FYB1: variants seen among roughly 807,000 people sequenced by gnomAD.
FYB1 encodes the protein FYN-binding protein 1.
Under a neutral mutation model 94.1 loss-of-function variants are expected in FYB1, and 41 were observed. The observed-to-expected ratio is 0.44, with a 90% CI of 0.34 to 0.57. FYB1 has a LOEUF of 0.57. Among genes scored for constraint, FYB1 ranks in the 20% least tolerant of loss-of-function variants. The pLI, the probability that FYB1 is intolerant of heterozygous loss-of-function variation, is 0.02. For synonymous variants in FYB1, 367 were observed against 353.2 expected, an observed-to-expected ratio of 1.04 and a Z score of -0.44; for missense variants, 1,050 against 976.8, an observed-to-expected ratio of 1.07 and a Z score of -1.00.
At chr5:39,163,683 T>C (rs781262430) in intron 2 of FYB1, among the ~76,000 whole-genome samples, 3 of 152,200 alleles carry the variant, frequency 2.0e-5, no homozygotes, top group Non-Finnish European at 4.4e-5. Flanking sequence ...AGGCGGTAAT[T>C]AGACAGGATA....
In FYB1 at chr5:39,259,556, A is replaced by G. The variant is rs544818292; in HGVS notation, c.-28+14847T>C. Among the ~76,000 whole-genome samples the G allele has an allele frequency of 5.3e-5, 8 of 152,320 alleles. No individual in the cohort carries two copies. In the South Asian group the frequency reaches 1.2e-3, roughly 24 times the overall value. ...AAAGCCTCCTTGAAATTTGTCTACA[A>G]CATGAAATTCCATAACACAGGAAGA... is the stretch of plus-strand genomic sequence containing the variant. On this transcript the variant is annotated intron_variant, in intron 1 of 1. Coordinates refer to the FYB1 transcript ENST00000510188.
intron 1 of FYB1, among the ~76,000 whole-genome samples, chr5:39,272,670 C>CA (rs1195291951): frequency 0.017 from 1,203 of 70,606 alleles, 24 homozygotes; most frequent in African/African-American, 0.043. Context: ...AGACTCATCT[C>CA]AAAAAAAAAA....
At chr5:39,270,463 C>T in intron 1 of FYB1, 1 of 1,072,294 alleles carries the variant, frequency 9.3e-7, no homozygotes, top group East Asian at 2.7e-5. Context: ...ATCCCAAAGG[C>T]TCAGAGGACC....
intron 1 of FYB1, chr5:39,269,966 A>T (rs1752603650): frequency 2.0e-5 from 3 of 152,138 alleles, no homozygotes. Context: ...GCTGTAGTTC[A>T]GCTATGTTAT....
chr5:39,180,493 G>T lies in FYB1; in HGVS notation c.1135+21333C>A, dbSNP rs917296046. On this transcript the variant is annotated intron_variant, in intron 2 of 18. Coordinates refer to ENST00000512982, the MANE Select transcript of FYB1 (RefSeq NM_001465.6). ...TTTGGGTGTTGGACAAGACCTGTTA[G>T]AAAAGTCCCTATTGAAAGGCTGACC... 3.9e-5 allele frequency among the ~76,000 whole-genome samples: 6 copies of T among 152,322 alleles called. 1 individual carries two copies. In the South Asian group the frequency reaches 1.0e-3, roughly 26 times the overall value.
intron 2 of FYB1, among the ~76,000 whole-genome samples, chr5:39,175,734 T>A (rs1745659687): frequency 6.8e-6 from 1 of 146,052 alleles, no homozygotes; most frequent in Non-Finnish European, 1.5e-5. Context: ...GGCTGGTGCC[T>A]CCAAATGGGG....
At chr5:39,268,517 C>T (rs1423406688) in intron 1 of FYB1, among the ~76,000 whole-genome samples, 1 of 152,084 alleles carries the variant, frequency 6.6e-6, no homozygotes, top group East Asian at 1.9e-4. Flanking sequence ...CAGGCATGAG[C>T]CTGACCATTA....
chr5:39,202,659 C>G lies in FYB1; in HGVS notation c.302G>C (p.Arg101Thr). ...AAATCCCACTTTCGCCTCGGGGTCT[C>G]TGGTGGTCAAGCTGGCTGGTGTTCC... ...RFGTPASLTTRDPEAKVGFLK... is the reference protein window; with the variant it reads ...RFGTPASLTTTDPEAKVGFLK... The change falls in exon 2 of 19, where the codon AGA becomes ACA. Residue 101 changes from arginine (R) to threonine (T), a missense_variant. Coordinates refer to ENST00000512982, the MANE Select transcript of FYB1 (RefSeq NM_001465.6). 1 of 1,613,802 alleles carries G rather than the reference C, an allele frequency of 6.2e-7. No homozygotes were observed. The highest frequency in any genetic ancestry group is 1.1e-5 in the South Asian group (1 of 91,058).
At chr5:39,224,066 GTACT>G (rs1455099665), upstream of FYB1, among the ~76,000 whole-genome samples, 1 of 151,954 alleles carries the variant, frequency 6.6e-6, no homozygotes, top group Non-Finnish European at 1.5e-5. Context: ...ACTTATTGTT[GTACT>G]TACTAGCAAT....
intron 3 of FYB1, among the ~76,000 whole-genome samples, chr5:39,144,241 A>G (rs1742441604): frequency 6.6e-6 from 1 of 152,198 alleles, no homozygotes; most frequent in South Asian, 2.1e-4. Flanking sequence ...GCTCACATCA[A>G]AAAAGGAGAG....
intron 1 of FYB1, among the ~76,000 whole-genome samples, chr5:39,211,593 G>T (rs1749398322): frequency 6.6e-6 from 1 of 152,100 alleles, no homozygotes; most frequent in Non-Finnish European, 1.5e-5. Context: ...ATAAGCGTGA[G>T]CCACTGCGCC....
chr5:39,131,200 A>G (rs1051411086), intron 9 of FYB1, among the ~76,000 whole-genome samples: 1 of 151,990 alleles, frequency 6.6e-6, no homozygotes, highest in African/African-American at 2.4e-5. Flanking sequence ...TATTTTCTCT[A>G]TTTTAGCATT....
At chr5:39,183,758 T>C (rs1373291035) in intron 2 of FYB1, among the ~76,000 whole-genome samples, 2 of 152,224 alleles carry the variant, frequency 1.3e-5, no homozygotes, top group Admixed American at 1.3e-4. Flanking sequence ...TTAAAATGTT[T>C]CTATTGTCAG....
intron 3 of FYB1, among the ~76,000 whole-genome samples, chr5:39,146,339 T>C (rs931118753): frequency 5.3e-5 from 8 of 152,242 alleles, no homozygotes; most frequent in African/African-American, 1.9e-4. Flanking sequence ...GTGATTATTC[T>C]GTATTCCTTC....
intron 1 of FYB1, chr5:39,250,829 T>C (rs1337098704): frequency 2.6e-5 from 4 of 152,214 alleles, no homozygotes; most frequent in African/African-American, 9.6e-5. Context: ...TATGATATTC[T>C]GATTTCAGGA....
In FYB1 at chr5:39,257,666, C is replaced by T. The variant is rs143812294; in HGVS notation, c.-28+16737G>A. On this transcript the variant is annotated intron_variant, in intron 1 of 1. Coordinates refer to the FYB1 transcript ENST00000510188. ...GGGAGTCAAGCTCCAGAAGAGATCA[C>T]TTTAAACTTTGTTCACTAGAAGTTT... 4.9e-4 allele frequency among the ~76,000 whole-genome samples: 75 copies of T among 152,254 alleles called. 1 individual carries two copies. Among genetic ancestry groups the T allele is most frequent in the African/African-American group, 1.7e-3 (71 of 41,548 alleles).
chr5:39,219,187 T>G (rs1332375696), intron 1 of FYB1, among the ~76,000 whole-genome samples: 2 of 152,168 alleles, frequency 1.3e-5, no homozygotes, highest in Non-Finnish European at 2.9e-5. Context: ...TGAGAGGCCT[T>G]ATCCAGTTAC....
At chr5:39,240,372 C>G (rs1407417761) in intron 1 of FYB1, among the ~76,000 whole-genome samples, 1 of 152,170 alleles carries the variant, frequency 6.6e-6, no homozygotes, top group Non-Finnish European at 1.5e-5. Context: ...AAAATCTCAA[C>G]AGAGTACACA....
At chr5:39,271,219 T>C (rs531423530) in intron 1 of FYB1, among the ~76,000 whole-genome samples, 3 of 152,242 alleles carry the variant, frequency 2.0e-5, no homozygotes, top group African/African-American at 4.8e-5. Context: ...AAGCTTATCA[T>C]AGAATGCCAT....
Sources: gnomAD v4.1 joint callset for allele counts (sites outside exome capture counted in the v4.1 genomes callset) on GRCh38, gnomAD v4.1.1 for gene constraint, MANE v1.5 for transcripts, NCBI Gene and HGNC (gene_info 2026-07-23, HGNC 2026-07-21) for gene names.